The following SLC39A3 variants were observed in gnomAD, a reference collection of about 807,000 sequenced individuals.
SLC39A3 encodes the protein zinc transporter ZIP3.
A neutral mutation model predicts 5.1 loss-of-function variants in SLC39A3; 3 were observed. The ratio of observed to expected loss-of-function variants is 0.59; its 90% CI spans 0.27 to 1.54. The LOEUF (loss-of-function observed/expected upper bound fraction) is 1.54, where lower values mean the gene tolerates loss of function less well. Among genes scored for constraint, SLC39A3 ranks in the 40% most tolerant of loss-of-function variants. The pLI is 0.12. For missense variants in SLC39A3, 412 were observed against 436.4 expected, an observed-to-expected ratio of 0.94 and a Z score of 0.50; for synonymous variants, 250 against 218.8, an observed-to-expected ratio of 1.14 and a Z score of -1.26.
Position 2,735,936 on chromosome 19 carries a change from G to A in SLC39A3, c.210+1112C>T, listed in dbSNP as rs1914352606. ...GCCAGGGGTTGGGGGATAAGCTTAG[G>A]GCTTCCATGCTTTCGTTGGGAGGAA... On this transcript the variant is annotated intron_variant, in intron 2 of 2. Coordinates refer to ENST00000269740, the MANE Select transcript of SLC39A3 (RefSeq NM_144564.5). This position sits in a 1 kb window ranked among gnomAD's most constrained non-coding sequence, Gnocchi z 5.7. 4 of 985,442 alleles carry A rather than the reference G, an allele frequency of 4.1e-6. No homozygotes were observed. Among genetic ancestry groups the A allele is most frequent in the Non-Finnish European group, 4.8e-6 (4 of 829,958 alleles). 61.0% of individuals were successfully genotyped at this position (985,442 alleles called of 1,614,324 possible). A position where few individuals can be genotyped will look rare whatever the true frequency, so the allele number is the denominator to read the frequency against.
At position 2,737,193 on chromosome 19, in the gene SLC39A3, C is replaced by A; in HGVS notation, c.65G>T (p.Gly22Val). ...GATGATCTTCACGGGGAGCAGGGAGCCGAGCAGCATGAAGAAGAACACGCC... is the reference window on the plus strand; with the variant it reads ...GATGATCTTCACGGGGAGCAGGGAGACGAGCAGCATGAAGAAGAACACGCC... ...MVGVFFFMLL[G>V]SLLPVKIIET... Residue 22 changes from glycine (G) to valine (V), a missense_variant, in exon 2 of 3, where the codon GGC becomes GTC. Transcript: ENST00000269740. The A allele has an allele frequency of 6.2e-7, 1 of 1,614,124 alleles. No individual in the cohort carries two copies. Among genetic ancestry groups the A allele is most frequent in the Non-Finnish European group, 8.5e-7 (1 of 1,180,030 alleles).
intron 1 of SLC39A3, among the ~76,000 whole-genome samples, chr19:2,738,780 T>C (rs1914455517): frequency 6.6e-6 from 1 of 151,806 alleles, no homozygotes; most frequent in Non-Finnish European, 1.5e-5. Flanking sequence ...CTACTAAAAA[T>C]ACAAAAATTA....
intron 1 of SLC39A3, among the ~76,000 whole-genome samples, chr19:2,738,936 CAA>C (rs1239798016): frequency 3.1e-5 from 4 of 129,792 alleles, no homozygotes; most frequent in Admixed American, 7.8e-5. Flanking sequence ...GACTCTGTCT[CAA>C]AAAAAAAAAA....
At chr19:2,737,001 G>A in intron 2 of SLC39A3, 47 bp downstream of exon 2, 1 of 1,610,984 alleles carries the variant, frequency 6.2e-7, no homozygotes, top group African/African-American at 1.3e-5. Flanking sequence ...AGAGTCCCTT[G>A]GCCATAAGGT....
Position 2,733,262 on chromosome 19 carries a change from G to A in SLC39A3, c.434C>T (p.Ala145Val), listed in dbSNP as rs770897898. The part of the protein sequence containing the change: ...SPFMGGARGH[A>V]LYVEPHGHGP... ...GTGGCCGTGGGGCTCCACGTACAGC[G>A]CGTGGCCCCGCGCGCCCCCCATGAA... Residue 145 changes from alanine (A) to valine (V), a missense_variant, in exon 3 of 3, where the codon GCG becomes GTG. Coordinates refer to ENST00000269740, the MANE Select transcript of SLC39A3 (RefSeq NM_144564.5). The surrounding 1 kb of genome is among the most constrained non-coding windows in gnomAD (Gnocchi z 6.1). 16 of 1,612,108 alleles carry A rather than the reference G, an allele frequency of 9.9e-6. No homozygotes were observed. The highest frequency in any genetic ancestry group is 6.7e-5 in the Admixed American group (4 of 59,960).
Position 2,733,591 on chromosome 19 carries a change from ATT to A in SLC39A3, c.211-108_211-107del, listed in dbSNP as rs1193748288. The A allele has an allele frequency of 1.4e-6, 2 of 1,412,828 alleles. No individual in the cohort carries two copies. The highest frequency in any genetic ancestry group is 2.9e-5 in the African/African-American group (2 of 69,532). 87.5% of individuals were successfully genotyped at this position (1,412,828 alleles called of 1,614,324 possible). ...TCAAAGCAAAGTCCAGAAATCCCCG[ATT>A]CACACAGAGGTTAAAACAAGTGGGA... is the stretch of plus-strand genomic sequence containing the variant. On this transcript the variant is annotated intron_variant, in intron 2 of 2. Coordinates refer to ENST00000269740, the MANE Select transcript of SLC39A3 (RefSeq NM_144564.5). This position sits in a 1 kb window ranked among gnomAD's most constrained non-coding sequence, Gnocchi z 6.1.
chr19:2,736,909 C>G (rs769579878), intron 2 of SLC39A3, 139 bp downstream of exon 2: 10 of 1,535,348 alleles, frequency 6.5e-6, no homozygotes, highest in South Asian at 1.2e-5. Flanking sequence ...CACAATCACA[C>G]AGCAAATTCA....
At position 2,733,938 on chromosome 19, in the gene SLC39A3, C is replaced by A. The variant is rs1914275872; in HGVS notation, c.211-453G>T. ...CCTGGGCGACAGAGGGAGACTCCGG[C>A]TCAAAATAAACACATAAAGAGCTGC... is the stretch of plus-strand genomic sequence containing the variant. On this transcript the variant is annotated intron_variant, in intron 2 of 2. Transcript: ENST00000269740. This position sits in a 1 kb window ranked among gnomAD's most constrained non-coding sequence, Gnocchi z 6.1. Among the ~76,000 whole-genome samples, 1 of 152,194 alleles carries A rather than the reference C, an allele frequency of 6.6e-6. No individual in the cohort carries two copies. Among genetic ancestry groups the A allele is most frequent in the Non-Finnish European group, 1.5e-5 (1 of 68,032 alleles).
At position 2,734,794 on chromosome 19, in the gene SLC39A3, A is replaced by C; in HGVS notation, c.211-1309T>G. The C allele has an allele frequency of 1.0e-6, 1 of 985,354 alleles. No individual in the cohort carries two copies. The highest frequency in any genetic ancestry group is 1.1e-4 in the East Asian group (1 of 8,796). The allele number at this position is 985,354 out of a possible 1,614,324, so 61.0% of individuals were successfully genotyped here. A position where few individuals can be genotyped will look rare whatever the true frequency, so the allele number is the denominator to read the frequency against. On this transcript the variant is annotated intron_variant, in intron 2 of 2. Transcript: ENST00000269740. The surrounding 1 kb of genome is among the most constrained non-coding windows in gnomAD (Gnocchi z 4.6). The stretch of plus-strand genomic sequence containing the variant: ...CTGTGTTTCCACGGAGAAGCCACTT[A>C]ACTCCCTCACTGACCACCGGCTGGA...
intron 2 of SLC39A3, 138 bp downstream of exon 2, chr19:2,736,910 A>T (rs138041067): frequency 1.3e-6 from 2 of 1,536,464 alleles, no homozygotes; most frequent in East Asian, 2.5e-5. Flanking sequence ...ACAATCACAC[A>T]GCAAATTCAC....
chr19:2,739,146 G>A (rs1298537051), intron 1 of SLC39A3, among the ~76,000 whole-genome samples: 1 of 150,000 alleles, frequency 6.7e-6, no homozygotes, highest in Admixed American at 6.6e-5. Context: ...TCTGCCCCTG[G>A]CTGACTCCTG....
rs1914403604 is a variant in SLC39A3 at position 2,737,341 on chromosome 19, C to A, written c.-84G>T. ...CAAGTCCCACGATGTGCTACCGAGC[C>A]CAACCACACAGTTGGAGGCTCATGT... is the stretch of plus-strand genomic sequence containing the variant. On this transcript the variant is annotated 5_prime_UTR_variant, in exon 2 of 3. Transcript: ENST00000269740. 1 of 1,504,618 alleles carries A rather than the reference C, an allele frequency of 6.6e-7. No individual in the cohort carries two copies. Among genetic ancestry groups the A allele is most frequent in the Non-Finnish European group, 8.9e-7 (1 of 1,120,688 alleles). The allele number at this position is 1,504,618 out of a possible 1,614,324, so 93.2% of individuals were successfully genotyped here.
At position 2,737,077 on chromosome 19, in the gene SLC39A3, T is replaced by C. The variant is rs1352606205; in HGVS notation, c.181A>G (p.Asn61Asp). ...TCCCTCACAGCGGGCAGCAGAGCGT[T>C]GAAGCACGTGGCCAGAAACACCCCT... is the stretch of plus-strand genomic sequence containing the variant. The part of the protein sequence containing the change: ...GGGVFLATCF[N>D]ALLPAVREKL... The change falls in exon 2 of 3, where the codon AAC (asparagine) becomes GAC (aspartate). Residue 61 changes from asparagine (N) to aspartate (D), a missense_variant. Physicochemically the swap from Asn to Asp is conservative, Grantham distance 23. Coordinates refer to ENST00000269740, the MANE Select transcript of SLC39A3 (RefSeq NM_144564.5). 1 of 1,613,988 alleles carries C rather than the reference T, an allele frequency of 6.2e-7. No individual in the cohort carries two copies. Among genetic ancestry groups the C allele is most frequent in the Non-Finnish European group, 8.5e-7 (1 of 1,180,026 alleles).
chr19:2,734,173 G>T lies in SLC39A3; in HGVS notation c.211-688C>A, dbSNP rs1475634605. The stretch of plus-strand genomic sequence containing the variant: ...AGCTGCTCACGGGGCGGACACGCAG[G>T]CATTAGGCTATGCGCCAGGATGAAA... On this transcript the variant is annotated intron_variant, in intron 2 of 2. Transcript: ENST00000269740. This position sits in a 1 kb window ranked among gnomAD's most constrained non-coding sequence, Gnocchi z 4.6. Among the ~76,000 whole-genome samples, 1 of 152,252 alleles carries T rather than the reference G, an allele frequency of 6.6e-6. No homozygotes were observed. Among genetic ancestry groups the T allele is most frequent in the Non-Finnish European group, 1.5e-5 (1 of 68,046 alleles).
Position 2,732,595 on chromosome 19 carries a change from C to CG in SLC39A3, c.*155dup. On this transcript the variant is annotated 3_prime_UTR_variant, in exon 3 of 3. Transcript: ENST00000269740. ...TGCTCTGAGGCTCAGGGTGTAGGAT[C>CG]GGGGGCACAGCCTGGTCCCGGGAGG... 7.5e-7 allele frequency: 1 copy of CG among 1,333,996 alleles called. No homozygotes were observed. The highest frequency in any genetic ancestry group is 9.6e-7 in the Non-Finnish European group (1 of 1,043,448). 82.6% of individuals were successfully genotyped at this position (1,333,996 alleles called of 1,614,324 possible). A position where few individuals can be genotyped will look rare whatever the true frequency, so the allele number is the denominator to read the frequency against.
chr19:2,735,123 C>T lies in SLC39A3; in HGVS notation c.211-1638G>A. 2 of 985,344 alleles carry T rather than the reference C, an allele frequency of 2.0e-6. No individual in the cohort carries two copies. The highest frequency in any genetic ancestry group is 2.4e-6 in the Non-Finnish European group (2 of 829,924). 61.0% of individuals were successfully genotyped at this position (985,344 alleles called of 1,614,324 possible). A position where few individuals can be genotyped will look rare whatever the true frequency, so the allele number is the denominator to read the frequency against. On this transcript the variant is annotated intron_variant, in intron 2 of 2. Coordinates refer to ENST00000269740, the MANE Select transcript of SLC39A3 (RefSeq NM_144564.5). The surrounding 1 kb of genome is among the most constrained non-coding windows in gnomAD (Gnocchi z 5.7). ...CCCCGCAGTCGCCCAGGCCTGCAGT[C>T]AGAGGGTGACGGGGGTGACACCATG...
chr19:2,734,655 C>T lies in SLC39A3; in HGVS notation c.211-1170G>A. The T allele has an allele frequency of 1.2e-6, 1 of 838,616 alleles. No homozygotes were observed. Among genetic ancestry groups the T allele is most frequent in the Non-Finnish European group, 1.4e-6 (1 of 695,782 alleles). 51.9% of individuals were successfully genotyped at this position (838,616 alleles called of 1,614,324 possible). ...GCTGCTGAGCAGTGTCTCTGGCCTC[C>T]ACCCACTCCAGGCCAGGAGCACCCC... On this transcript the variant is annotated intron_variant, in intron 2 of 2. Transcript: ENST00000269740. The surrounding 1 kb of genome is among the most constrained non-coding windows in gnomAD (Gnocchi z 4.6).
At position 2,732,718 on chromosome 19, in the gene SLC39A3, G is replaced by A. The variant is rs1338479650; in HGVS notation, c.*33C>T. Reference sequence around the variant, plus strand: ...CTGTGTCCGGCCCGGGGCTCCCGGCGGGCTCCGGCGGCAGGGACAATGGCG... The same window carrying A: ...CTGTGTCCGGCCCGGGGCTCCCGGCAGGCTCCGGCGGCAGGGACAATGGCG... On this transcript the variant is annotated 3_prime_UTR_variant, in exon 3 of 3. Coordinates refer to ENST00000269740, the MANE Select transcript of SLC39A3 (RefSeq NM_144564.5). 1.4e-5 allele frequency: 21 copies of A among 1,510,532 alleles called. No individual in the cohort carries two copies. The highest frequency in any genetic ancestry group is 9.0e-5 in the Admixed American group (4 of 44,590). 93.6% of individuals were successfully genotyped at this position (1,510,532 alleles called of 1,614,324 possible). A position where few individuals can be genotyped will look rare whatever the true frequency, so the allele number is the denominator to read the frequency against.
chr19:2,737,420 TTCTTTTTTTTTTTTTAGACAGAG>T lies in SLC39A3; in HGVS notation c.-122-64_-122-42del, dbSNP rs1013601019. On this transcript the variant is annotated intron_variant, in intron 1 of 2. Transcript: ENST00000269740. ...GCACTGCATTAGCTTTCTTTCTTTT[TTCTTTTTTTTTTTTTAGACAGAG>T]TCTCGCTCTGTTGCCAGGCTGGAGT... 5.9e-6 allele frequency: 8 copies of T among 1,355,450 alleles called. No homozygotes were observed. In the African/African-American group the frequency reaches 1.2e-4, roughly 20 times the overall value. The allele number at this position is 1,355,450 out of a possible 1,614,324, so 84.0% of individuals were successfully genotyped here.
Sources: allele counts gnomAD v4.1 joint callset (sites outside exome capture counted in the v4.1 genomes callset), GRCh38; gene constraint gnomAD v4.1.1; non-coding constraint Gnocchi (gnomAD v3.1); transcripts MANE v1.5; gene names NCBI Gene and HGNC (gene_info 2026-07-23, HGNC 2026-07-21).